Variants in SH3BGRL2 observed in about 807,000 individuals in gnomAD.
The protein encoded by SH3BGRL2 is SH3 domain binding glutamate rich protein like 2.
Under a neutral mutation model 14.8 loss-of-function variants are expected in SH3BGRL2, and 21 were observed. That is an observed-to-expected ratio of 1.42 (90% confidence interval 1.01 to 2.05). The LOEUF is 2.05. Ranked by LOEUF, SH3BGRL2 falls within the 30% of genes most tolerant of loss-of-function variation. The pLI is 0.00. For synonymous variants in SH3BGRL2, 50 were observed against 47.8 expected, an observed-to-expected ratio of 1.05 and a Z score of -0.19; for missense variants, 147 against 130.8, an observed-to-expected ratio of 1.12 and a Z score of -0.61.
chr6:79,618,750 C>T, the SH3BGRL2 span, among the ~76,000 whole-genome samples: 2 of 151,666 alleles, frequency 1.3e-5, no homozygotes, highest in Non-Finnish European at 2.9e-5. Context: ...GAAACCCTGT[C>T]TCTACTACAA....
At chr6:79,670,199 A>G (rs1020583398) in intron 1 of SH3BGRL2, among the ~76,000 whole-genome samples, 1 of 152,218 alleles carries the variant, frequency 6.6e-6, no homozygotes, top group Non-Finnish European at 1.5e-5. Flanking sequence ...TTTTCCCCCA[A>G]CTGTTTAAAA....
At chr6:79,538,018 GTTTTTTTT>G in the SH3BGRL2 span, among the ~76,000 whole-genome samples, 1,640 of 43,964 alleles carry the variant, frequency 0.037, 23 homozygotes, top group Middle Eastern at 0.1. Context: ...TTGCACACAA[GTTTTTTTT>G]TTTTTTTTTT....
chr6:79,663,973 C>G (rs1279301162), intron 1 of SH3BGRL2, among the ~76,000 whole-genome samples: 1 of 152,220 alleles, frequency 6.6e-6, no homozygotes, highest in Non-Finnish European at 1.5e-5. Context: ...GCCTGCCAAG[C>G]CAGGCATGGG....
At chr6:79,537,635 G>T in the SH3BGRL2 span, among the ~76,000 whole-genome samples, 1 of 152,194 alleles carries the variant, frequency 6.6e-6, no homozygotes, top group South Asian at 2.1e-4. Context: ...AGCGCTCCAG[G>T]CTCCTACGGG....
At chr6:79,567,901 C>G in the SH3BGRL2 span, among the ~76,000 whole-genome samples, 1 of 152,022 alleles carries the variant, frequency 6.6e-6, no homozygotes, top group Non-Finnish European at 1.5e-5. Flanking sequence ...AGTAAAGACA[C>G]AGAAACCAAT....
At chr6:79,555,420 A>G in the SH3BGRL2 span, among the ~76,000 whole-genome samples, 1 of 152,226 alleles carries the variant, frequency 6.6e-6, no homozygotes, top group Non-Finnish European at 1.5e-5. Flanking sequence ...ACTGCACTCC[A>G]GCCTAGGTGA....
the SH3BGRL2 span, among the ~76,000 whole-genome samples, chr6:79,544,717 T>G: frequency 6.6e-6 from 1 of 152,176 alleles, no homozygotes; most frequent in East Asian, 1.9e-4. Flanking sequence ...AAATTGTGTC[T>G]CTTCATGAGT....
At chr6:79,652,956 T>C (rs1769325632) in intron 1 of SH3BGRL2, among the ~76,000 whole-genome samples, 1 of 152,064 alleles carries the variant, frequency 6.6e-6, no homozygotes, top group Non-Finnish European at 1.5e-5. Flanking sequence ...TAAATGTATA[T>C]AATGCAATAC....
At chr6:79,696,391 T>C (rs1770332407) in intron 2 of SH3BGRL2, 94 bp from the exon 3 acceptor site, 1 of 927,664 alleles carries the variant, frequency 1.1e-6, no homozygotes, top group Non-Finnish European at 1.7e-6. Flanking sequence ...CAATGGTACA[T>C]TTTTTACTTC....
the SH3BGRL2 span, among the ~76,000 whole-genome samples, chr6:79,605,777 A>G: frequency 6.6e-6 from 1 of 152,252 alleles, no homozygotes; most frequent in Non-Finnish European, 1.5e-5. Flanking sequence ...CAGTTTGATT[A>G]AACACATTCA....
At chr6:79,636,620 T>G (rs1188607848) in intron 1 of SH3BGRL2, among the ~76,000 whole-genome samples, 1 of 152,166 alleles carries the variant, frequency 6.6e-6, no homozygotes. Flanking sequence ...GTCTCAACAT[T>G]CTGGAAGCTG....
chr6:79,698,742 G>A (rs1054590257), intron 3 of SH3BGRL2, among the ~76,000 whole-genome samples: 4 of 152,202 alleles, frequency 2.6e-5, no homozygotes, highest in South Asian at 2.1e-4. Flanking sequence ...TGGAATCCCT[G>A]GTGGGGGTGG....
the SH3BGRL2 span, among the ~76,000 whole-genome samples, chr6:79,570,183 A>G: frequency 2.6e-5 from 4 of 152,220 alleles, no homozygotes; most frequent in African/African-American, 7.2e-5. Flanking sequence ...TATCTGAAAC[A>G]TTAATGTGCC....
At chr6:79,553,293 TTAA>T in the SH3BGRL2 span, 1 of 152,324 alleles carries the variant, frequency 6.6e-6, no homozygotes, top group East Asian at 1.9e-4. Context: ...TTAGTAAGAA[TTAA>T]TATGGAAATA....
the SH3BGRL2 span, among the ~76,000 whole-genome samples, chr6:79,621,186 A>G: frequency 6.6e-6 from 1 of 152,146 alleles, no homozygotes; most frequent in Non-Finnish European, 1.5e-5. Context: ...AGGTTTTATC[A>G]CTATCTCAAT....
At chr6:79,589,955 T>C in the SH3BGRL2 span, among the ~76,000 whole-genome samples, 2 of 152,108 alleles carry the variant, frequency 1.3e-5, no homozygotes, top group Admixed American at 1.3e-4. Context: ...TTTTTTTTTG[T>C]AGAGACGTGG....
chr6:79,579,866 A>C, the SH3BGRL2 span, among the ~76,000 whole-genome samples: 1 of 152,238 alleles, frequency 6.6e-6, no homozygotes, highest in Admixed American at 6.5e-5. Context: ...AATTGGATAG[A>C]GTCAAGACTC....
the SH3BGRL2 span, among the ~76,000 whole-genome samples, chr6:79,614,116 C>T: frequency 6.6e-6 from 1 of 152,110 alleles, no homozygotes; most frequent in Non-Finnish European, 1.5e-5. Context: ...AGCGCCCCCG[C>T]TGTACTGTGT....
the SH3BGRL2 span, among the ~76,000 whole-genome samples, chr6:79,605,651 C>G: frequency 6.6e-6 from 1 of 152,172 alleles, no homozygotes; most frequent in Admixed American, 6.5e-5. Flanking sequence ...CATGGGAATT[C>G]AAGAAGTTGG....
Sources: gnomAD v4.1 joint callset for allele counts (sites outside exome capture counted in the v4.1 genomes callset) on GRCh38, gnomAD v4.1.1 for gene constraint, MANE v1.5 for transcripts, NCBI Gene and HGNC (gene_info 2026-07-23, HGNC 2026-07-21) for gene names.